Variants in NTPCR observed in about 807,000 individuals in gnomAD.
NTPCR encodes cancer-related nucleoside-triphosphatase.
In NTPCR, 15 loss-of-function variants were observed where a neutral mutation model predicts 19.5. The ratio of observed to expected loss-of-function variants is 0.77; its 90% CI spans 0.51 to 1.18. The LOEUF is 1.18. NTPCR is among the 50% of genes most tolerant of loss of function. The pLI, the probability that NTPCR is intolerant of heterozygous loss-of-function variation, is 0.00. For synonymous variants in NTPCR, 90 were observed against 95.8 expected (o/e 0.94, Z 0.36); for missense variants, 206 against 240.4 (o/e 0.86, Z 0.95).
At chr1:232,959,917 G>A (rs968605122) in intron 3 of NTPCR, among the ~76,000 whole-genome samples, 1 of 152,054 alleles carries the variant, frequency 6.6e-6, no homozygotes, top group Non-Finnish European at 1.5e-5. Context: ...GGGGAAGTAA[G>A]GATGTGGCTG....
rs748881367 is a variant in NTPCR, at chr1:232,955,702, G to A, written c.180G>A (p.Gly60=). The A allele has an allele frequency of 6.2e-7, 1 of 1,613,774 alleles. No individual in the cohort carries two copies. The highest frequency in any genetic ancestry group is 1.3e-5 in the African/African-American group (1 of 74,890). ...TCGTCACGTTGTCCGGCACCCGGGG[G>A]CCTTTATCGAGAGTTGGGTACTGAT... is the stretch of plus-strand genomic sequence containing the variant. ...FDVVTLSGTR[G]PLSRVGLEPP... The change falls in exon 2 of 5, where the codon GGG becomes GGA. Residue 60 remains glycine, a synonymous_variant. Coordinates refer to ENST00000366628, the MANE Select transcript of NTPCR (RefSeq NM_032324.3).
At chr1:232,961,653 A>G (rs1041969337) in intron 3 of NTPCR, among the ~76,000 whole-genome samples, 1 of 152,216 alleles carries the variant, frequency 6.6e-6, no homozygotes, top group African/African-American at 2.4e-5. Context: ...CCTTCAAGGT[A>G]GAGAAAAGTC....
At position 232,955,691 on chromosome 1, in the gene NTPCR, G is replaced by A. The variant is rs750658961; in HGVS notation, c.169G>A (p.Gly57Ser). 62 of 1,613,792 alleles carry A rather than the reference G, an allele frequency of 3.8e-5. No homozygotes were observed. In the Middle Eastern group the frequency reaches 5.0e-4, roughly 13 times the overall value. The change falls in exon 2 of 5, where the codon GGC becomes AGC. Residue 57 changes from glycine to serine, a missense_variant. Gly to Ser is a moderately conservative substitution (Grantham distance 56, BLOSUM62 0). Coordinates refer to ENST00000366628, the MANE Select transcript of NTPCR (RefSeq NM_032324.3). ...RIGFDVVTLS[G>S]TRGPLSRVGL... ...AGGATTCGATGTCGTCACGTTGTCC[G>A]GCACCCGGGGGCCTTTATCGAGAGT...
At chr1:232,954,354 G>A (rs920450188) in intron 1 of NTPCR, among the ~76,000 whole-genome samples, 2 of 152,164 alleles carry the variant, frequency 1.3e-5, no homozygotes, top group Non-Finnish European at 2.9e-5. Flanking sequence ...TAAGAATAAT[G>A]GATCATATTT....
chr1:232,956,148 A>T (rs1668505312), intron 2 of NTPCR, among the ~76,000 whole-genome samples, 199 bp from the exon 3 acceptor site: 1 of 152,094 alleles, frequency 6.6e-6, no homozygotes, highest in African/African-American at 2.4e-5. Flanking sequence ...CCATTGTTGG[A>T]GGTGTGGACA....
intron 3 of NTPCR, chr1:232,966,708 T>C (rs1165736202): frequency 6.6e-6 from 1 of 152,166 alleles, no homozygotes; most frequent in Non-Finnish European, 1.5e-5. Context: ...TCTAAGGAAA[T>C]ATCTTCTCTC....
intron 1 of NTPCR, among the ~76,000 whole-genome samples, chr1:232,954,061 G>A (rs1668448103): frequency 6.6e-6 from 1 of 152,236 alleles, no homozygotes; most frequent in South Asian, 2.1e-4. Flanking sequence ...ACAGGGTGCT[G>A]TGGCAGGCGC....
At chr1:232,976,655 G>T (rs957521466) in intron 4 of NTPCR, 2 of 1,346,268 alleles carry the variant, frequency 1.5e-6, no homozygotes, top group African/African-American at 1.5e-5. Context: ...AGCCACAGCC[G>T]CCCAGGATTG....
Position 232,981,312 on chromosome 1 carries a change from C to G in NTPCR, c.*3081C>G, listed in dbSNP as rs1669273791. On this transcript the variant is annotated 3_prime_UTR_variant, in exon 5 of 5. Transcript: ENST00000366628. Reference sequence around the variant, plus strand: ...ACTCAGTTCCCAGCCCTCCAGTTATCAAGGGGGTGGGAACGCTGGTGGGCT... The same window carrying G: ...ACTCAGTTCCCAGCCCTCCAGTTATGAAGGGGGTGGGAACGCTGGTGGGCT... The G allele has an allele frequency of 6.6e-6, 1 of 152,110 alleles. No homozygotes were observed. The highest frequency in any genetic ancestry group is 2.4e-5 in the African/African-American group (1 of 41,420). 9.4% of individuals were successfully genotyped at this position (152,110 alleles called of 1,614,324 possible). A position where few individuals can be genotyped will look rare whatever the true frequency, so the allele number is the denominator to read the frequency against.
chr1:232,950,764 C>G lies in NTPCR; in HGVS notation c.34+20C>G. The G allele has an allele frequency of 6.3e-7, 1 of 1,576,516 alleles. No homozygotes were observed. Among genetic ancestry groups the G allele is most frequent in the Non-Finnish European group, 8.6e-7 (1 of 1,156,984 alleles). On this transcript the variant is annotated intron_variant, in intron 1 of 4. Coordinates refer to ENST00000366628, the MANE Select transcript of NTPCR (RefSeq NM_032324.3). ...CCCCAGGTAACCCTGAGGGGATCCCCACCTCCAAGAGGTCGAGGGGGTGGG... is the reference window on the plus strand; with the variant it reads ...CCCCAGGTAACCCTGAGGGGATCCCGACCTCCAAGAGGTCGAGGGGGTGGG...
At chr1:232,952,721 GTTA>G (rs1350999271) in intron 1 of NTPCR, among the ~76,000 whole-genome samples, 1 of 151,560 alleles carries the variant, frequency 6.6e-6, no homozygotes, top group Non-Finnish European at 1.5e-5. Flanking sequence ...CCCATTAGGA[GTTA>G]TTGTCAGGTG....
chr1:232,952,888 A>G (rs1022619764), intron 1 of NTPCR, among the ~76,000 whole-genome samples: 3 of 151,946 alleles, frequency 2.0e-5, no homozygotes, highest in Non-Finnish European at 4.4e-5. Context: ...CCCATGACTC[A>G]TCTTGGAGGG....
In NTPCR at chr1:232,978,145, T is replaced by C. The variant is rs1360608512; in HGVS notation, c.505-18T>C. Reference sequence around the variant, plus strand: ...AGGAAAGGAGCTCTGAAGCCTGTTCTCTCACTTCTTCCCACAGGTCACCAA... The same window carrying C: ...AGGAAAGGAGCTCTGAAGCCTGTTCCCTCACTTCTTCCCACAGGTCACCAA... On this transcript the variant is annotated intron_variant, in intron 4 of 4. Transcript: ENST00000366628. 6.2e-7 allele frequency: 1 copy of C among 1,608,730 alleles called. No homozygotes were observed. Among genetic ancestry groups the C allele is most frequent in the Admixed American group, 1.7e-5 (1 of 59,980 alleles).
intron 2 of NTPCR, 64 bp downstream of exon 2, chr1:232,955,783 A>G: frequency 6.6e-7 from 1 of 1,526,204 alleles, no homozygotes; most frequent in East Asian, 2.3e-5. Context: ...GTGCTTTGGG[A>G]GCTTTTCAAC....
intron 4 of NTPCR, among the ~76,000 whole-genome samples, chr1:232,972,525 G>A (rs1669012475): frequency 6.6e-6 from 1 of 152,108 alleles, no homozygotes; most frequent in Non-Finnish European, 1.5e-5. Context: ...CTCCTAGGCT[G>A]AAGCCATCCT....
rs1478003952 is a variant in NTPCR at position 232,950,707 on chromosome 1, C to T, written c.-4C>T. 6.2e-7 allele frequency: 1 copy of T among 1,605,854 alleles called. No individual in the cohort carries two copies. Among genetic ancestry groups the T allele is most frequent in the Admixed American group, 1.7e-5 (1 of 59,282 alleles). On this transcript the variant is annotated 5_prime_UTR_variant, in exon 1 of 5. Transcript: ENST00000366628. ...GACCGCAACCCCTACCCCCGCCCACCAGTATGGCCCGGCACGTGTTCCTAA... is the reference window on the plus strand; with the variant it reads ...GACCGCAACCCCTACCCCCGCCCACTAGTATGGCCCGGCACGTGTTCCTAA...
At chr1:232,954,729 G>A (rs983277388) in intron 1 of NTPCR, among the ~76,000 whole-genome samples, 1 of 152,212 alleles carries the variant, frequency 6.6e-6, no homozygotes, top group Admixed American at 6.5e-5. Context: ...AAGTGTGCTA[G>A]AACAGTGTCT....
intron 4 of NTPCR, among the ~76,000 whole-genome samples, chr1:232,971,229 C>T (rs1447355532): frequency 6.6e-6 from 1 of 152,194 alleles, no homozygotes; most frequent in African/African-American, 2.4e-5. Flanking sequence ...TCTGCTCACA[C>T]ACCTCACTCC....
At chr1:232,977,180 A>G (rs1669147555) in intron 4 of NTPCR, 2 of 152,156 alleles carry the variant, frequency 1.3e-5, no homozygotes, top group Non-Finnish European at 2.9e-5. Flanking sequence ...ACCTGTCGAA[A>G]TTACATCCAG....
Sources: gnomAD v4.1 joint callset for allele counts (sites outside exome capture counted in the v4.1 genomes callset) on GRCh38, gnomAD v4.1.1 for gene constraint, MANE v1.5 for transcripts, NCBI Gene and HGNC (gene_info 2026-07-23, HGNC 2026-07-21) for gene names.